Variants in TOGARAM2 observed in about 807,000 individuals in gnomAD.
TOGARAM2 encodes the protein TOG array regulator of axonemal microtubules protein 2.
A neutral mutation model predicts 93.3 loss-of-function variants in TOGARAM2; 85 were observed. The observed-to-expected ratio is 0.91, with a 90% confidence interval of 0.76 to 1.09. The LOEUF (loss-of-function observed/expected upper bound fraction) is 1.09. Ranked by LOEUF, TOGARAM2 falls within the 50% of genes least tolerant of loss-of-function variation. The pLI, the probability that TOGARAM2 is intolerant of heterozygous loss-of-function variation, is 0.00. For missense variants in TOGARAM2, 1,277 were observed against 1,334.5 expected, an observed-to-expected ratio of 0.96 and a Z score of 0.67; for synonymous variants, 593 against 552.8, an observed-to-expected ratio of 1.07 and a Z score of -1.02.
At chr2:28,970,747 G>A (rs1345706648) in intron 1 of TOGARAM2, among the ~76,000 whole-genome samples, 1 of 152,182 alleles carries the variant, frequency 6.6e-6, no homozygotes, top group African/African-American at 2.4e-5. Context: ...GTCAAACTCT[G>A]TCCCCATGCA....
At chr2:28,976,093 A>G (rs1331825374) in intron 1 of TOGARAM2, among the ~76,000 whole-genome samples, 1 of 152,146 alleles carries the variant, frequency 6.6e-6, no homozygotes, top group Non-Finnish European at 1.5e-5. Flanking sequence ...ATTCTGGGCC[A>G]GGTGTGGCGG....
chr2:29,004,589 T>C (rs1164727380), intron 6 of TOGARAM2, among the ~76,000 whole-genome samples: 3 of 152,138 alleles, frequency 2.0e-5, no homozygotes, highest in South Asian at 4.1e-4. Flanking sequence ...TGTCTGAGTG[T>C]CTTTGTGTGT....
At chr2:28,980,806 T>C (rs1325478493), upstream of TOGARAM2, among the ~76,000 whole-genome samples, 3 of 152,208 alleles carry the variant, frequency 2.0e-5, no homozygotes, top group African/African-American at 7.2e-5. Flanking sequence ...ACATGCACCT[T>C]TGAAATCCTT....
At chr2:29,009,597 T>G (rs1038720248) in intron 6 of TOGARAM2, among the ~76,000 whole-genome samples, 1 of 151,488 alleles carries the variant, frequency 6.6e-6, no homozygotes, top group African/African-American at 2.4e-5. Flanking sequence ...ATGGGGGAGC[T>G]GAGACCATGC....
chr2:28,978,186 C>T (rs1251092855), upstream of TOGARAM2, among the ~76,000 whole-genome samples: 1 of 152,086 alleles, frequency 6.6e-6, no homozygotes, highest in Non-Finnish European at 1.5e-5. Flanking sequence ...GGATGACAGG[C>T]GTGAGCCACC....
At chr2:28,998,110 T>A (rs1055116912) in intron 2 of TOGARAM2, 33 bp from the exon 3 acceptor site, 1 of 1,481,928 alleles carries the variant, frequency 6.7e-7, no homozygotes, top group Non-Finnish European at 9.2e-7. Context: ...TGGAGGACTC[T>A]CAGGTGCTGC....
chr2:29,023,047 C>T, intron 11 of TOGARAM2, 39 bp from the exon 12 acceptor site: 2 of 1,546,190 alleles, frequency 1.3e-6, no homozygotes, highest in Non-Finnish European at 1.8e-6. Flanking sequence ...GCTCCTCCCT[C>T]TCCACCCTTC....
chr2:28,977,910 G>C (rs528004434), upstream of TOGARAM2, among the ~76,000 whole-genome samples: 47 of 150,862 alleles, frequency 3.1e-4, no homozygotes, highest in African/African-American at 1.1e-3. Context: ...TTTTTTTTTT[G>C]GTTGTTTTTG....
Position 29,024,363 on chromosome 2 carries a change from G to C in TOGARAM2, c.1842G>C (p.Ser614=), listed in dbSNP as rs113163075. 11,680 of 1,605,270 alleles carry C rather than the reference G, an allele frequency of 7.3e-3. 656 individuals are homozygous for C. In the African/African-American group the frequency reaches 0.13, roughly 18 times the overall value. Residue 614 remains serine, a synonymous_variant, in exon 13 of 20, where the codon TCG becomes TCC. Transcript: ENST00000379558. ...TLARSLVVLT[S]AGVYHRNPLI... ...CCCGCTCCCTGGTGGTCCTCACCTC[G>C]GCGGGTGTCTAGTATGTGGCTGCCT... is the stretch of plus-strand genomic sequence containing the variant.
At chr2:29,014,709 C>A in intron 8 of TOGARAM2, 148 bp downstream of exon 8, 2 of 1,002,892 alleles carry the variant, frequency 2.0e-6, no homozygotes, top group Non-Finnish European at 2.8e-6. Context: ...GTACTAAAGG[C>A]CAGAACCTGC....
chr2:29,029,746 G>A (rs952953990), intron 14 of TOGARAM2, among the ~76,000 whole-genome samples: 4 of 113,092 alleles, frequency 3.5e-5, no homozygotes, highest in African/African-American at 1.3e-4. Flanking sequence ...ACAGAACAAG[G>A]CTCTGTCTAA....
intron 1 of TOGARAM2, among the ~76,000 whole-genome samples, chr2:28,973,407 CCT>C (rs1287490933): frequency 9.8e-4 from 67 of 68,536 alleles, no homozygotes; most frequent in African/African-American, 2.9e-3. Flanking sequence ...TTCCTTCCTT[CCT>C]CCTTTCCTTC....
At chr2:29,037,874 G>T (rs1666211979) in intron 18 of TOGARAM2, among the ~76,000 whole-genome samples, 1 of 152,154 alleles carries the variant, frequency 6.6e-6, no homozygotes, top group African/African-American at 2.4e-5. Flanking sequence ...CAATAACCAA[G>T]GCTCTTGGTA....
rs1344741810 is a variant in TOGARAM2, at chr2:29,017,183, G to A, written c.1074G>A (p.Arg358=). ...AAGTCACCATCTCCAAGTCTGCCCG[G>A]GAGAAGATGCAGCTGAAGCAGATGA... ...KIQVTISKSA[R]EKMQLKQMKE... is the part of the protein sequence containing the mutation. The change falls in exon 9 of 20, where the codon CGG becomes CGA. Residue 358 remains arginine, a synonymous_variant. Transcript: ENST00000379558. 5.0e-6 allele frequency: 8 copies of A among 1,613,870 alleles called. No homozygotes were observed. The highest frequency in any genetic ancestry group is 2.2e-5 in the East Asian group (1 of 44,868).
At chr2:29,007,823 C>T (rs1663976731) in intron 6 of TOGARAM2, among the ~76,000 whole-genome samples, 2 of 152,026 alleles carry the variant, frequency 1.3e-5, no homozygotes, top group African/African-American at 4.8e-5. Context: ...CCTTCTTACC[C>T]CTCCAGACCC....
At chr2:29,018,667 C>G (rs1020679236) in intron 10 of TOGARAM2, 2 of 152,236 alleles carry the variant, frequency 1.3e-5, no homozygotes, top group Admixed American at 6.5e-5. Flanking sequence ...TTTCAATCCT[C>G]TTTCTATCCT....
chr2:29,004,390 G>A, intron 6 of TOGARAM2, among the ~76,000 whole-genome samples: 1 of 152,232 alleles, frequency 6.6e-6, no homozygotes, highest in Non-Finnish European at 1.5e-5. Context: ...TCATGTGTAT[G>A]GGGGACAGTC....
intron 2 of TOGARAM2, among the ~76,000 whole-genome samples, chr2:28,995,172 G>A (rs1672930949): frequency 6.6e-6 from 1 of 152,254 alleles, no homozygotes; most frequent in African/African-American, 2.4e-5. Flanking sequence ...TCAAGGTTAT[G>A]TGGATGGGCA....
chr2:29,047,085 G>C (rs1406825386), intron 19 of TOGARAM2: 1 of 152,842 alleles, frequency 6.5e-6, no homozygotes, highest in African/African-American at 2.4e-5. Context: ...TGCCCTTTCA[G>C]CTTCTCCCCT....
Sources: gnomAD v4.1 joint callset for allele counts (sites outside exome capture counted in the v4.1 genomes callset) on GRCh38, gnomAD v4.1.1 for gene constraint, MANE v1.5 for transcripts, NCBI Gene and HGNC (gene_info 2026-07-23, HGNC 2026-07-21) for gene names.